Variants in COLEC11 observed in about 807,000 individuals in gnomAD.
COLEC11 encodes collectin subfamily member 11.
COLEC11 carries 20 observed loss-of-function variants against 27.3 expected under a neutral mutation model. The ratio of observed to expected loss-of-function variants is 0.73; its 90% CI spans 0.51 to 1.06. The LOEUF (loss-of-function observed/expected upper bound fraction) is 1.06, where lower values mean the gene tolerates loss of function less well. Among genes scored for constraint, COLEC11 ranks in the 50% least tolerant of loss-of-function variants. COLEC11 has a pLI of 0.00. For synonymous variants in COLEC11, 163 were observed against 154.7 expected (o/e 1.05, Z -0.40); for missense variants, 310 against 383.0 (o/e 0.81, Z 1.59).
rs184709148 is a variant in COLEC11 at position 3,641,742 on chromosome 2, G to A, written c.328+1411G>A. On this transcript the variant is annotated intron_variant, in intron 5 of 6. Transcript: ENST00000349077. ...GAGGGGGGGTGTCTCACGTATGAGG[G>A]CGAGGAAGGTGGTTTGGGCTCTACG... Among the ~76,000 whole-genome samples, 17 of 152,328 alleles carry A rather than the reference G, an allele frequency of 1.1e-4. No individual in the cohort carries two copies. In the East Asian group the frequency reaches 3.3e-3, roughly 29 times the overall value.
intron 3 of COLEC11, among the ~76,000 whole-genome samples, chr2:3,617,107 G>A (rs1261835548): frequency 6.6e-6 from 1 of 151,698 alleles, no homozygotes; most frequent in Non-Finnish European, 1.5e-5. Context: ...GTTGGATCAT[G>A]TGGTAGTTCT....
intron 1 of COLEC11, among the ~76,000 whole-genome samples, chr2:3,598,124 C>T (rs1438947147): frequency 6.6e-6 from 1 of 151,976 alleles, no homozygotes; most frequent in Non-Finnish European, 1.5e-5. Context: ...TTAGTAGAGA[C>T]AGGGTTTCAC....
At chr2:3,612,533 C>T (rs1214518058) in intron 2 of COLEC11, among the ~76,000 whole-genome samples, 1 of 152,118 alleles carries the variant, frequency 6.6e-6, no homozygotes, top group East Asian at 1.9e-4. Flanking sequence ...AGGAGAGGCT[C>T]AAGTACTGCA....
chr2:3,606,329 T>A, intron 2 of COLEC11: 2 of 1,185,970 alleles, frequency 1.7e-6, no homozygotes, highest in Non-Finnish European at 2.4e-6. Flanking sequence ...GTTGGGAGGG[T>A]CCTTCCCAGC....
chr2:3,595,811 G>A (rs990934016), intron 1 of COLEC11, among the ~76,000 whole-genome samples: 15 of 152,218 alleles, frequency 9.9e-5, no homozygotes, highest in Non-Finnish European at 1.8e-4. Context: ...GGAACTGGCG[G>A]TCTTTTTAGA....
chr2:3,624,532 TC>T (rs1664394198), intron 3 of COLEC11, among the ~76,000 whole-genome samples: 1 of 152,136 alleles, frequency 6.6e-6, no homozygotes, highest in Admixed American at 6.5e-5. Context: ...AGCTGGAAGC[TC>T]ACTTACTACA....
At position 3,602,277 on chromosome 2, in the gene COLEC11, C is replaced by T. The variant is rs147753151; in HGVS notation, c.-26-2038C>T. Among the ~76,000 whole-genome samples the T allele has an allele frequency of 5.5e-4, 84 of 152,242 alleles. No individual in the cohort carries two copies. The East Asian group carries it at 8.5e-3, about 15-fold the overall frequency. On this transcript the variant is annotated intron_variant, in intron 1 of 6. Coordinates refer to ENST00000349077, the MANE Select transcript of COLEC11 (RefSeq NM_024027.5). The surrounding 1 kb of genome is among the most constrained non-coding windows in gnomAD (Gnocchi z 6.2). Reference sequence around the variant, plus strand: ...ACCCTGACCCCCAAGCCTTGCAAACCGAACCATTGCTCCACCCACTGGGTC... The same window carrying T: ...ACCCTGACCCCCAAGCCTTGCAAACTGAACCATTGCTCCACCCACTGGGTC...
At chr2:3,603,193 C>T (rs369247804) in intron 1 of COLEC11, among the ~76,000 whole-genome samples, 4 of 152,240 alleles carry the variant, frequency 2.6e-5, no homozygotes, top group East Asian at 1.9e-4. Flanking sequence ...GGCTGCTGTC[C>T]GCACTCTGCC....
intron 3 of COLEC11, among the ~76,000 whole-genome samples, chr2:3,632,844 G>C (rs1037354144): frequency 2.6e-5 from 4 of 152,168 alleles, no homozygotes; most frequent in African/African-American, 9.7e-5. Context: ...CAGAGCACGG[G>C]AAAGAAAACC....
At chr2:3,635,610 AC>A (rs1665344357) in intron 3 of COLEC11, among the ~76,000 whole-genome samples, 1 of 152,144 alleles carries the variant, frequency 6.6e-6, no homozygotes, top group Non-Finnish European at 1.5e-5. Flanking sequence ...GTCCCGACTT[AC>A]CGGCAAACCC....
At chr2:3,612,215 GACACACGC>G (rs1431856540) in intron 2 of COLEC11, among the ~76,000 whole-genome samples, 17 of 148,808 alleles carry the variant, frequency 1.1e-4, no homozygotes, top group Non-Finnish European at 1.2e-4. Context: ...TGCACATGCG[GACACACGC>G]ACACACATGC....
Position 3,604,298 on chromosome 2 carries a change from T to C in COLEC11, c.-26-17T>C. On this transcript the variant is annotated splice_polypyrimidine_tract_variant and intron_variant, in intron 1 of 6. Transcript: ENST00000349077. Reference sequence around the variant, plus strand: ...CTGTTGCAGTTCCCATCACTGTTTATTCCTTCCTCTGTGTAGGAGTTGGTG... The same window carrying C: ...CTGTTGCAGTTCCCATCACTGTTTACTCCTTCCTCTGTGTAGGAGTTGGTG... The C allele has an allele frequency of 6.2e-7, 1 of 1,613,970 alleles. No individual in the cohort carries two copies. The highest frequency in any genetic ancestry group is 8.5e-7 in the Non-Finnish European group (1 of 1,179,864).
intron 4 of COLEC11, among the ~76,000 whole-genome samples, chr2:3,639,840 G>T (rs753849237): frequency 7.9e-5 from 12 of 152,180 alleles, no homozygotes; most frequent in Non-Finnish European, 1.6e-4. Context: ...GCCAGGGCAG[G>T]AAGGAGTGCA....
chr2:3,605,959 C>CT (rs1662657224), intron 2 of COLEC11: 2 of 1,175,108 alleles, frequency 1.7e-6, no homozygotes, highest in Admixed American at 4.7e-5. Flanking sequence ...GCCCAGTGGC[C>CT]TTTGTGCTTT....
At chr2:3,632,955 C>G (rs752724253) in intron 3 of COLEC11, among the ~76,000 whole-genome samples, 1 of 152,196 alleles carries the variant, frequency 6.6e-6, no homozygotes, top group Non-Finnish European at 1.5e-5. Context: ...TTCACCTGAA[C>G]AAAGAGCCAA....
intron 1 of COLEC11, chr2:3,603,763 C>G: frequency 8.6e-7 from 1 of 1,168,416 alleles, no homozygotes; most frequent in Non-Finnish European, 1.2e-6. Context: ...TTCCTAAGGC[C>G]GGGGCTCCTC....
intron 4 of COLEC11, among the ~76,000 whole-genome samples, chr2:3,638,076 T>A (rs1665561613): frequency 6.6e-6 from 1 of 152,204 alleles, no homozygotes; most frequent in Admixed American, 6.5e-5. Flanking sequence ...GGGCAGCAAC[T>A]ATGGTGCCAG....
chr2:3,634,379 G>A (rs1488848768), intron 3 of COLEC11, among the ~76,000 whole-genome samples: 7 of 152,186 alleles, frequency 4.6e-5, no homozygotes, highest in Admixed American at 3.3e-4. Context: ...TTCTATGGGC[G>A]CAAAACCAGG....
chr2:3,612,118 G>T (rs1355209643), intron 2 of COLEC11, among the ~76,000 whole-genome samples: 5 of 152,048 alleles, frequency 3.3e-5, no homozygotes, highest in African/African-American at 1.2e-4. Flanking sequence ...TAAAGTTTAC[G>T]TGAACGCTGG....
Sources: gnomAD v4.1 joint callset for allele counts (sites outside exome capture counted in the v4.1 genomes callset) on GRCh38, gnomAD v4.1.1 for gene constraint, Gnocchi (gnomAD v3.1) non-coding constraint, MANE v1.5 for transcripts, NCBI Gene and HGNC (gene_info 2026-07-23, HGNC 2026-07-21) for gene names.